Variants in ITPRID2 observed in about 807,000 individuals in gnomAD.
ITPRID2 encodes the protein ITPR interacting domain containing 2.
A neutral mutation model predicts 124.3 loss-of-function variants in ITPRID2; 60 were observed. The observed-to-expected ratio is 0.48, with a 90% CI of 0.39 to 0.60. The LOEUF (loss-of-function observed/expected upper bound fraction) is 0.60, where lower values mean the gene tolerates loss of function less well. ITPRID2 is among the 20% of genes least tolerant of loss of function. The probability of loss-of-function intolerance (pLI) is 0.00; values close to 1 mark genes in which losing one functional copy is unlikely to be tolerated. For missense variants in ITPRID2, 1,553 were observed against 1,512.2 expected (o/e 1.03, Z -0.45); for synonymous variants, 521 against 542.9 (o/e 0.96, Z 0.56).
Position 181,922,534 on chromosome 2 carries a change from C to T in ITPRID2, c.3675+122C>T. ...ACTGTATTCAATAATTTTCACAGAG[C>T]TTTTAAATTAGCTTTCCTGTTGATC... On this transcript the variant is annotated intron_variant, in intron 16 of 17. Coordinates refer to ENST00000431877, the MANE Select transcript of ITPRID2 (RefSeq NM_001130445.3). The T allele has an allele frequency of 3.1e-6, 3 of 979,858 alleles. No homozygotes were observed. In the South Asian group the frequency reaches 5.6e-5, roughly 18 times the overall value. 60.7% of individuals were successfully genotyped at this position (979,858 alleles called of 1,614,324 possible).
At chr2:181,901,340 T>C (rs1198862545) in intron 7 of ITPRID2, among the ~76,000 whole-genome samples, 1 of 152,198 alleles carries the variant, frequency 6.6e-6, no homozygotes, top group Non-Finnish European at 1.5e-5. Context: ...CCTGCATTGT[T>C]CATGGATCAG....
rs759273294 is a variant in ITPRID2, at chr2:181,919,292, A to G, written c.2994-4A>G. The stretch of plus-strand genomic sequence containing the variant: ...CAATTTTGTGCCCTTCACCATACCA[A>G]TAGGTTTGAAGTTGATCAGCTCCAG... On this transcript the variant is annotated splice_polypyrimidine_tract_variant and splice_region_variant and intron_variant, in intron 13 of 17. Coordinates refer to ENST00000431877, the MANE Select transcript of ITPRID2 (RefSeq NM_001130445.3). This position sits in a 1 kb window ranked among gnomAD's most constrained non-coding sequence, Gnocchi z 4.2. 2.5e-6 allele frequency: 4 copies of G among 1,613,858 alleles called. No individual in the cohort carries two copies. Among genetic ancestry groups the G allele is most frequent in the East Asian group, 2.2e-5 (1 of 44,882 alleles).
At chr2:181,909,775 A>AAT (rs558533725) in intron 8 of ITPRID2, 124 bp from the exon 9 acceptor site, 30 of 565,818 alleles carry the variant, frequency 5.3e-5, no homozygotes, top group Non-Finnish European at 8.7e-5. Flanking sequence ...TTAAAGTTTG[A>AAT]ATATATATAT....
chr2:181,901,334 C>T (rs979784494), intron 7 of ITPRID2, among the ~76,000 whole-genome samples: 5 of 152,180 alleles, frequency 3.3e-5, no homozygotes, highest in Admixed American at 6.6e-5. Context: ...TCCAATCCTG[C>T]ATTGTTCATG....
chr2:181,922,105 C>G lies in ITPRID2; in HGVS notation c.3368C>G (p.Ala1123Gly). The G allele has an allele frequency of 6.2e-7, 1 of 1,614,228 alleles. No individual in the cohort carries two copies. Among genetic ancestry groups the G allele is most frequent in the Non-Finnish European group, 8.5e-7 (1 of 1,180,040 alleles). ...SSSVCSGPSH[A>G]NRRTGVPSTA... ...TCTGTATGTTCTGGTCCCTCTCATGCTAACAGAAGAACTGGAGTACCTTCT... is the reference window on the plus strand; with the variant it reads ...TCTGTATGTTCTGGTCCCTCTCATGGTAACAGAAGAACTGGAGTACCTTCT... The change falls in exon 16 of 18, where the codon GCT becomes GGT. Residue 1123 changes from alanine (A) to glycine (G), a missense_variant. Coordinates refer to ENST00000431877, the MANE Select transcript of ITPRID2 (RefSeq NM_001130445.3).
Position 181,915,257 on chromosome 2 carries a change from T to C in ITPRID2, c.1617T>C (p.Ser539=). 1 of 1,614,194 alleles carries C rather than the reference T, an allele frequency of 6.2e-7. No individual in the cohort carries two copies. The highest frequency in any genetic ancestry group is 8.5e-7 in the Non-Finnish European group (1 of 1,180,022). Residue 539 remains serine, a synonymous_variant, in exon 11 of 18, where the codon AGT becomes AGC. Coordinates refer to ENST00000431877, the MANE Select transcript of ITPRID2 (RefSeq NM_001130445.3). ...SLQAMGSSAD[S]CDSETTVTSL... ...AGGCTATGGGGAGTAGTGCTGATAG[T>C]TGTGACAGTGAGACAACAGTTACGT...
At chr2:181,913,714 T>A in intron 9 of ITPRID2, 131 bp from the exon 10 acceptor site, 1 of 582,202 alleles carries the variant, frequency 1.7e-6, no homozygotes, top group East Asian at 3.1e-5. Flanking sequence ...TAAGAAGCAG[T>A]CAAATATTGT....
In ITPRID2 at chr2:181,896,988, A is replaced by C; in HGVS notation, c.364+24A>C. On this transcript the variant is annotated intron_variant, in intron 4 of 17. Coordinates refer to ENST00000431877, the MANE Select transcript of ITPRID2 (RefSeq NM_001130445.3). The surrounding 1 kb of genome is among the most constrained non-coding windows in gnomAD (Gnocchi z 4.3). Reference sequence around the variant, plus strand: ...AGGTATGTTTGTTTGGAAGAACTGTATTTTTGTGTAGTTTTCAAATTTAAA... The same window carrying C: ...AGGTATGTTTGTTTGGAAGAACTGTCTTTTTGTGTAGTTTTCAAATTTAAA... 6.2e-7 allele frequency: 1 copy of C among 1,600,138 alleles called. No individual in the cohort carries two copies. Among genetic ancestry groups the C allele is most frequent in the Non-Finnish European group, 8.6e-7 (1 of 1,168,356 alleles).
intron 6 of ITPRID2, 21 bp downstream of exon 6, chr2:181,899,133 G>T (rs1692456181): frequency 6.5e-7 from 1 of 1,533,082 alleles, no homozygotes; most frequent in Admixed American, 1.9e-5. Flanking sequence ...CTGAAATTGT[G>T]TTGGAATTAC....
rs1164632070 is a variant in ITPRID2, at chr2:181,916,078, C to G, written c.2438C>G (p.Pro813Arg). 6.2e-7 allele frequency: 1 copy of G among 1,614,182 alleles called. No homozygotes were observed. Among genetic ancestry groups the G allele is most frequent in the Admixed American group, 1.7e-5 (1 of 60,020 alleles). ...SPSSVKKEEA[P>R]QSEAPRVEEC... ...TCATCTGTGAAGAAAGAAGAAGCCC[C>G]CCAGAGTGAGGCGCCGCGGGTGGAG... Residue 813 changes from proline (P) to arginine (R), a missense_variant, in exon 11 of 18, where the codon CCC becomes CGC. Pro to Arg is a moderately radical substitution (Grantham distance 103). Transcript: ENST00000431877.
intron 8 of ITPRID2, among the ~76,000 whole-genome samples, chr2:181,904,484 T>C (rs569093328): frequency 2.5e-5 from 2 of 80,414 alleles, no homozygotes; most frequent in African/African-American, 3.8e-5. Flanking sequence ...AGAGAGCTTG[T>C]AGAACAATGG....
At chr2:181,894,619 C>T (rs1217438970) in intron 2 of ITPRID2, 1 of 152,154 alleles carries the variant, frequency 6.6e-6, no homozygotes, top group Non-Finnish European at 1.5e-5. Flanking sequence ...ATTTTACCCA[C>T]TTGATAAGTT....
At position 181,914,992 on chromosome 2, in the gene ITPRID2, G is replaced by T. The variant is rs139984987; in HGVS notation, c.1576-224G>T. On this transcript the variant is annotated intron_variant, in intron 10 of 17. Coordinates refer to ENST00000431877, the MANE Select transcript of ITPRID2 (RefSeq NM_001130445.3). Reference sequence around the variant, plus strand: ...GGAAAGGGGGAGGTTGTTGGAAAGGGAATTTTAGGAAAACAGTGAAGTTCT... The same window carrying T: ...GGAAAGGGGGAGGTTGTTGGAAAGGTAATTTTAGGAAAACAGTGAAGTTCT... Among the ~76,000 whole-genome samples, 721 of 152,284 alleles carry T rather than the reference G, an allele frequency of 4.7e-3. 8 individuals are homozygous for T. The highest frequency in any genetic ancestry group is 0.014 in the African/African-American group (596 of 41,568).
In ITPRID2 at chr2:181,915,543, G is replaced by C; in HGVS notation, c.1903G>C (p.Glu635Gln). 2 of 1,614,220 alleles carry C rather than the reference G, an allele frequency of 1.2e-6. No individual in the cohort carries two copies. Among genetic ancestry groups the C allele is most frequent in the Non-Finnish European group, 1.7e-6 (2 of 1,180,042 alleles). ...EEDLFPAETV[E>Q]LLREASAESD... ...GGATTTGTTTCCAGCAGAGACAGTA[G>C]AGCTACTGAGGGAAGCAAGTGCTGA... Residue 635 changes from glutamate to glutamine, a missense_variant, in exon 11 of 18, where the codon GAG becomes CAG. Coordinates refer to ENST00000431877, the MANE Select transcript of ITPRID2 (RefSeq NM_001130445.3).
At position 181,919,478 on chromosome 2, in the gene ITPRID2, A is replaced by C; in HGVS notation, c.3144+32A>C. ...TACCTGGAGGGTGGTCGGAGTTTTC[A>C]CCAAAGGTTTATTTATAATGTTCCA... is the stretch of plus-strand genomic sequence containing the variant. On this transcript the variant is annotated intron_variant, in intron 14 of 17. Transcript: ENST00000431877. This position sits in a 1 kb window ranked among gnomAD's most constrained non-coding sequence, Gnocchi z 4.2. 6.6e-7 allele frequency: 1 copy of C among 1,513,602 alleles called. No homozygotes were observed. Among genetic ancestry groups the C allele is most frequent in the Middle Eastern group, 2.3e-4 (1 of 4,372 alleles). The allele number at this position is 1,513,602 out of a possible 1,614,324, so 93.8% of individuals were successfully genotyped here.
chr2:181,898,561 A>G (rs1692400221), intron 4 of ITPRID2, among the ~76,000 whole-genome samples: 2 of 152,110 alleles, frequency 1.3e-5, no homozygotes. Flanking sequence ...TATGGTACAT[A>G]TCTTCCTCAT....
chr2:181,910,019 G>C lies in ITPRID2; in HGVS notation c.1486+48G>C, dbSNP rs1056226319. 6.9e-6 allele frequency: 10 copies of C among 1,446,472 alleles called. No individual in the cohort carries two copies. Among genetic ancestry groups the C allele is most frequent in the Non-Finnish European group, 9.7e-6 (10 of 1,033,842 alleles). 89.6% of individuals were successfully genotyped at this position (1,446,472 alleles called of 1,614,324 possible). A position where few individuals can be genotyped will look rare whatever the true frequency, so the allele number is the denominator to read the frequency against. ...GTTCTGAGCACATTATCAAATATTA[G>C]TTGATTTGGAAAAGGGGTTTTATGT... On this transcript the variant is annotated intron_variant, in intron 9 of 17. Coordinates refer to ENST00000431877, the MANE Select transcript of ITPRID2 (RefSeq NM_001130445.3). This position sits in a 1 kb window ranked among gnomAD's most constrained non-coding sequence, Gnocchi z 4.1.
At chr2:181,909,108 A>G (rs1034221662) in intron 8 of ITPRID2, among the ~76,000 whole-genome samples, 1 of 152,226 alleles carries the variant, frequency 6.6e-6, no homozygotes, top group African/African-American at 2.4e-5. Context: ...AGATAGAAAA[A>G]TAAACACAAA....
chr2:181,920,708 C>A, intron 15 of ITPRID2, 46 bp downstream of exon 15: 1 of 1,349,452 alleles, frequency 7.4e-7, no homozygotes, highest in East Asian at 2.3e-5. Context: ...AATGATACAA[C>A]ATTTCAGACA....
Sources: allele counts gnomAD v4.1 joint callset (sites outside exome capture counted in the v4.1 genomes callset), GRCh38; gene constraint gnomAD v4.1.1; non-coding constraint Gnocchi (gnomAD v3.1); transcripts MANE v1.5; gene names NCBI Gene and HGNC (gene_info 2026-07-23, HGNC 2026-07-21).